The following GRID1 variants were observed in gnomAD, a reference collection of about 807,000 sequenced individuals.
The protein encoded by GRID1 is glutamate ionotropic receptor delta type subunit 1, also known as glutamate receptor ionotropic, delta-1.
In GRID1, 28 loss-of-function variants were observed where a neutral mutation model predicts 98.0. That is an observed-to-expected ratio of 0.29 (90% CI 0.21 to 0.39). The LOEUF (loss-of-function observed/expected upper bound fraction) is 0.39. GRID1 is among the 10% of genes least tolerant of loss of function. The pLI is 1.00. For missense variants in GRID1, 1,111 were observed against 1,340.5 expected (o/e 0.83, Z 2.67); for synonymous variants, 553 against 538.5 (o/e 1.03, Z -0.37).
intron 8 of GRID1, among the ~76,000 whole-genome samples, chr10:85,821,274 T>C (rs1398436002): frequency 1.3e-5 from 2 of 151,390 alleles, no homozygotes; most frequent in Non-Finnish European, 2.9e-5. Context: ...TCCCAGCACT[T>C]TGGGAGGCCG....
intron 2 of GRID1, among the ~76,000 whole-genome samples, chr10:86,232,777 T>C (rs970231192): frequency 6.6e-6 from 1 of 151,568 alleles, no homozygotes; most frequent in African/African-American, 2.4e-5. Flanking sequence ...TCTATAAATA[T>C]TTTTTTTTAA....
At chr10:85,806,161 G>T (rs965054237) in intron 8 of GRID1, among the ~76,000 whole-genome samples, 2 of 151,918 alleles carry the variant, frequency 1.3e-5, no homozygotes, top group Non-Finnish European at 2.9e-5. Flanking sequence ...CAAAAGATTT[G>T]AATAGACACT....
At chr10:86,018,743 C>G (rs145233757) in intron 4 of GRID1, among the ~76,000 whole-genome samples, 1 of 152,318 alleles carries the variant, frequency 6.6e-6, no homozygotes, top group South Asian at 2.1e-4. Flanking sequence ...AGGATCAGCC[C>G]CGCCTTCCAG....
intron 4 of GRID1, among the ~76,000 whole-genome samples, chr10:85,989,103 A>G (rs1221154766): frequency 6.6e-6 from 1 of 152,218 alleles, no homozygotes; most frequent in African/African-American, 2.4e-5. Flanking sequence ...GTTAGGGACT[A>G]TCGAGAGTTG....
chr10:86,183,496 A>T (rs1845686821), intron 3 of GRID1, among the ~76,000 whole-genome samples: 1 of 152,146 alleles, frequency 6.6e-6, no homozygotes, highest in South Asian at 2.1e-4. Context: ...AGTAGCTAGG[A>T]TTACAGGCAT....
At chr10:85,825,253 C>T (rs763439662) in intron 8 of GRID1, among the ~76,000 whole-genome samples, 5 of 152,280 alleles carry the variant, frequency 3.3e-5, no homozygotes, top group Admixed American at 6.5e-5. Flanking sequence ...GGTGATATTT[C>T]GCTGTGGTTT....
Position 86,344,926 on chromosome 10 carries a change from T to C in GRID1, c.235+19015A>G, listed in dbSNP as rs546421300. Among the ~76,000 whole-genome samples, 225 of 152,356 alleles carry C rather than the reference T, an allele frequency of 1.5e-3. 3 individuals are homozygous for C. Among genetic ancestry groups the C allele is most frequent in the African/African-American group, 5.0e-3 (207 of 41,590 alleles). On this transcript the variant is annotated intron_variant, in intron 2 of 15. Coordinates refer to ENST00000327946, the MANE Select transcript of GRID1 (RefSeq NM_017551.3). Reference sequence around the variant, plus strand: ...GGAAGGGAGCAGCACCGGGTCCCTCTGACCAGTGAGGAGTGGGCTGGTGGA... The same window carrying C: ...GGAAGGGAGCAGCACCGGGTCCCTCCGACCAGTGAGGAGTGGGCTGGTGGA...
chr10:86,337,001 G>A (rs1421469893), intron 2 of GRID1, among the ~76,000 whole-genome samples: 2 of 150,076 alleles, frequency 1.3e-5, no homozygotes, highest in African/African-American at 5.0e-5. Context: ...CCCGCCACCA[G>A]GATGGCTAGT....
At chr10:85,612,543 A>T (rs1265500247) in intron 15 of GRID1, among the ~76,000 whole-genome samples, 1 of 152,114 alleles carries the variant, frequency 6.6e-6, no homozygotes, top group East Asian at 1.9e-4. Context: ...ATCTGCACCC[A>T]CAGAGTCTCT....
intron 8 of GRID1, among the ~76,000 whole-genome samples, chr10:85,847,071 T>C (rs1478868770): frequency 2.0e-5 from 3 of 152,190 alleles, no homozygotes; most frequent in Admixed American, 6.5e-5. Context: ...TACCTACGCA[T>C]CTAGCAGGAA....
At chr10:86,180,580 T>G (rs574366055) in intron 3 of GRID1, among the ~76,000 whole-genome samples, 3 of 152,310 alleles carry the variant, frequency 2.0e-5, no homozygotes, top group Admixed American at 2.0e-4. Flanking sequence ...GGCAGAGGCC[T>G]GAGCACCCAG....
At chr10:85,783,586 G>A (rs751425333) in intron 8 of GRID1, among the ~76,000 whole-genome samples, 9 of 152,160 alleles carry the variant, frequency 5.9e-5, no homozygotes, top group Non-Finnish European at 1.3e-4. Context: ...AAATAAACCA[G>A]AATGAAAATG....
At chr10:85,841,013 A>T (rs1022467146) in intron 8 of GRID1, among the ~76,000 whole-genome samples, 2 of 152,206 alleles carry the variant, frequency 1.3e-5, no homozygotes, top group African/African-American at 4.8e-5. Context: ...GGAACCAAAA[A>T]ATAGCCTGAA....
At chr10:86,102,683 C>T (rs543644722) in intron 4 of GRID1, among the ~76,000 whole-genome samples, 11 of 152,326 alleles carry the variant, frequency 7.2e-5, no homozygotes, top group East Asian at 3.9e-4. Flanking sequence ...GCCCAGGGGA[C>T]GGGAGCCAGG....
At chr10:85,650,339 G>A (rs1347547916) in intron 12 of GRID1, 1 of 152,236 alleles carries the variant, frequency 6.6e-6, no homozygotes. Flanking sequence ...TCTGAAGTCA[G>A]TCTCTTCAGC....
At chr10:86,264,253 C>T (rs1847068089) in intron 2 of GRID1, among the ~76,000 whole-genome samples, 1 of 152,162 alleles carries the variant, frequency 6.6e-6, no homozygotes. Flanking sequence ...TGGAGCCTGG[C>T]CAGGCCTTTT....
At chr10:85,635,820 C>T (rs1843033776) in intron 13 of GRID1, among the ~76,000 whole-genome samples, 1 of 152,170 alleles carries the variant, frequency 6.6e-6, no homozygotes, top group Non-Finnish European at 1.5e-5. Flanking sequence ...TAACCAGGAA[C>T]CAGCCTGGCA....
chr10:85,898,794 T>C (rs1267087776), intron 5 of GRID1, among the ~76,000 whole-genome samples: 1 of 152,160 alleles, frequency 6.6e-6, no homozygotes, highest in Non-Finnish European at 1.5e-5. Context: ...CCTCAGGCTG[T>C]TTTACAGTTA....
chr10:85,950,455 C>G (rs1312864928), intron 4 of GRID1, among the ~76,000 whole-genome samples: 2 of 152,104 alleles, frequency 1.3e-5, no homozygotes, highest in Non-Finnish European at 2.9e-5. Flanking sequence ...CAAAGAAAAG[C>G]AAGATGTAAC....
Sources: gnomAD v4.1 joint callset for allele counts (sites outside exome capture counted in the v4.1 genomes callset) on GRCh38, gnomAD v4.1.1 for gene constraint, MANE v1.5 for transcripts, NCBI Gene and HGNC (gene_info 2026-07-23, HGNC 2026-07-21) for gene names.